The following USH2A variants were observed in gnomAD, a reference collection of about 807,000 sequenced individuals.
USH2A encodes the protein usherin.
In USH2A, 443 loss-of-function variants were observed where a neutral mutation model predicts 538.9. That is an observed-to-expected ratio of 0.82 (90% confidence interval 0.76 to 0.89). The LOEUF (loss-of-function observed/expected upper bound fraction) is 0.89, where lower values mean the gene tolerates loss of function less well. USH2A is among the 40% of genes least tolerant of loss of function. The pLI, the probability that USH2A is intolerant of heterozygous loss-of-function variation, is 0.00. For synonymous variants in USH2A, 2,413 were observed against 2,273.5 expected (o/e 1.06, Z -1.75); for missense variants, 6,633 against 6,324.8 (o/e 1.05, Z -1.65).
chr1:216,098,285 A>C (rs1011581513), intron 21 of USH2A, among the ~76,000 whole-genome samples: 1 of 152,220 alleles, frequency 6.6e-6, no homozygotes, highest in Non-Finnish European at 1.5e-5. Context: ...TTTCCAGTTT[A>C]GTTGAAAATA....
At chr1:215,853,118 C>A (rs1161854679) in intron 44 of USH2A, among the ~76,000 whole-genome samples, 1 of 152,224 alleles carries the variant, frequency 6.6e-6, no homozygotes, top group Non-Finnish European at 1.5e-5. Flanking sequence ...CTGCAGCAAA[C>A]TTCTATCTGG....
chr1:215,728,268 C>G lies in USH2A; in HGVS notation c.11828G>C (p.Arg3943Thr), dbSNP rs1297122035. 8 of 1,614,026 alleles carry G rather than the reference C, an allele frequency of 5.0e-6. No individual in the cohort carries two copies. The East Asian group carries it at 1.8e-4, about 36-fold the overall frequency. The change falls in exon 61 of 72, where the codon AGA becomes ACA. Residue 3943 changes from arginine to threonine, a missense_variant. By Grantham distance (71) the Arg-to-Thr change is moderately conservative. Coordinates refer to ENST00000307340, the MANE Select transcript of USH2A (RefSeq NM_206933.4). The stretch of plus-strand genomic sequence containing the variant: ...CACTGAACCCTTGGAGTTACAGGCT[C>G]TGACCCGATATTCGTAGAGTGTGAA... ...RPFTLYEYRV[R>T]ACNSKGSVES... is the part of the protein sequence containing the mutation.
At chr1:216,371,911 AC>A (rs1176248747) in intron 3 of USH2A, among the ~76,000 whole-genome samples, 1 of 152,214 alleles carries the variant, frequency 6.6e-6, no homozygotes, top group African/African-American at 2.4e-5. Context: ...TCTTCACATA[AC>A]TTTTCAGAGT....
chr1:215,881,475 T>C (rs1276964053), intron 41 of USH2A, among the ~76,000 whole-genome samples: 1 of 152,184 alleles, frequency 6.6e-6, no homozygotes, highest in East Asian at 1.9e-4. Flanking sequence ...GTTAACTAAA[T>C]ATTGTATTCT....
chr1:215,944,833 T>A (rs1464962020), intron 37 of USH2A, among the ~76,000 whole-genome samples: 1 of 152,156 alleles, frequency 6.6e-6, no homozygotes, highest in Non-Finnish European at 1.5e-5. Flanking sequence ...TGGTAGGTAA[T>A]TTGTCCAAAA....
At chr1:216,108,532 G>A (rs2032791426) in intron 21 of USH2A, among the ~76,000 whole-genome samples, 1 of 151,752 alleles carries the variant, frequency 6.6e-6, no homozygotes, top group African/African-American at 2.4e-5. Flanking sequence ...TTTAGCAACA[G>A]TTATTTCTTC....
At chr1:215,693,051 C>G (rs572018288) in intron 61 of USH2A, among the ~76,000 whole-genome samples, 2 of 150,348 alleles carry the variant, frequency 1.3e-5, no homozygotes, top group South Asian at 4.3e-4. Flanking sequence ...GTGTGTGCCA[C>G]CATGCCCAGC....
chr1:216,190,106 GAGTT>G, intron 20 of USH2A, 113 bp downstream of exon 20: 1 of 1,415,018 alleles, frequency 7.1e-7, no homozygotes, highest in South Asian at 1.2e-5. Context: ...GAAGCAATCA[GAGTT>G]AGTGAGGGAG....
chr1:215,801,492 A>G (rs374115259), intron 49 of USH2A, among the ~76,000 whole-genome samples: 1 of 152,180 alleles, frequency 6.6e-6, no homozygotes, highest in African/African-American at 2.4e-5. Flanking sequence ...CTATACACTA[A>G]GAATGAACAA....
chr1:215,761,710 C>A (rs565607145), intron 56 of USH2A, among the ~76,000 whole-genome samples: 3 of 152,152 alleles, frequency 2.0e-5, no homozygotes, highest in African/African-American at 7.2e-5. Flanking sequence ...AATATACACA[C>A]AAACAACTGT....
intron 21 of USH2A, among the ~76,000 whole-genome samples, chr1:216,128,672 C>T (rs2033307152): frequency 6.6e-6 from 1 of 151,994 alleles, no homozygotes; most frequent in Non-Finnish European, 1.5e-5. Context: ...TTGACAAATG[C>T]ATACAATGTA....
intron 11 of USH2A, among the ~76,000 whole-genome samples, chr1:216,276,474 T>C (rs528854888): frequency 6.6e-6 from 1 of 152,250 alleles, no homozygotes; most frequent in Non-Finnish European, 1.5e-5. Flanking sequence ...TCATCGGCTC[T>C]TTCTTGATTC....
intron 4 of USH2A, among the ~76,000 whole-genome samples, chr1:216,352,899 G>A (rs995135229): frequency 1.3e-5 from 2 of 152,058 alleles, no homozygotes; most frequent in South Asian, 2.1e-4. Context: ...AAAGGAAAAT[G>A]TATAAATAGT....
intron 21 of USH2A, 151 bp from the exon 22 acceptor site, chr1:216,097,364 G>T: frequency 1.5e-6 from 2 of 1,349,532 alleles, no homozygotes; most frequent in South Asian, 1.4e-5. Flanking sequence ...TAGGCCATTT[G>T]GTTTTAAATA....
intron 16 of USH2A, among the ~76,000 whole-genome samples, chr1:216,204,781 G>C (rs2035076118): frequency 6.6e-6 from 1 of 152,160 alleles, no homozygotes; most frequent in Admixed American, 6.5e-5. Context: ...TTGTTAGAAT[G>C]ATACAAAGTT....
intron 61 of USH2A, among the ~76,000 whole-genome samples, chr1:215,698,280 A>G (rs1259256994): frequency 6.6e-6 from 1 of 152,212 alleles, no homozygotes; most frequent in Non-Finnish European, 1.5e-5. Flanking sequence ...TAGTGCCACA[A>G]TAAATATGTG....
rs551302767 is a variant in USH2A at position 216,393,835 on chromosome 1, G to T, written c.651+24679C>A. ...AATTGGAAACTTCTGATCTATAAAT[G>T]ACACTGTTAAAATATTGAGAAGACA... On this transcript the variant is annotated intron_variant, in intron 3 of 71. Coordinates refer to ENST00000307340, the MANE Select transcript of USH2A (RefSeq NM_206933.4). Among the ~76,000 whole-genome samples the T allele has an allele frequency of 2.0e-5, 3 of 152,180 alleles. No homozygotes were observed. The East Asian group carries it at 5.8e-4, about 29-fold the overall frequency.
chr1:215,759,648 C>T lies in USH2A; in HGVS notation c.11231+12G>A. 6.2e-7 allele frequency: 1 copy of T among 1,613,786 alleles called. No homozygotes were observed. Among genetic ancestry groups the T allele is most frequent in the Non-Finnish European group, 8.5e-7 (1 of 1,179,754 alleles). On this transcript the variant is annotated intron_variant, in intron 57 of 71. Transcript: ENST00000307340. ...CCTGCTGTATGATTGGTAAAGTTTT[C>T]TTTTAGTTTACCTGCTATTGGGCTC...
At chr1:215,794,533 AC>A (rs1662072144) in intron 50 of USH2A, among the ~76,000 whole-genome samples, 1 of 152,220 alleles carries the variant, frequency 6.6e-6, no homozygotes, top group African/African-American at 2.4e-5. Flanking sequence ...ATTAGGGGCT[AC>A]AGGAGTGAAC....
Sources: gnomAD v4.1 joint callset for allele counts (sites outside exome capture counted in the v4.1 genomes callset) on GRCh38, gnomAD v4.1.1 for gene constraint, MANE v1.5 for transcripts, NCBI Gene and HGNC (gene_info 2026-07-23, HGNC 2026-07-21) for gene names.